PCBP3: variants seen among roughly 807,000 people sequenced by gnomAD.
PCBP3 encodes the protein poly(rC) binding protein 3.
PCBP3 carries 25 observed loss-of-function variants against 52.7 expected under a neutral mutation model. The ratio of observed to expected loss-of-function variants is 0.47; its 90% CI spans 0.35 to 0.66. The LOEUF is 0.66. PCBP3 is among the 30% of genes least tolerant of loss of function. The pLI is 0.01. For synonymous variants in PCBP3, 162 were observed against 183.0 expected, an observed-to-expected ratio of 0.89 and a Z score of 0.93; for missense variants, 391 against 490.3, an observed-to-expected ratio of 0.80 and a Z score of 1.91.
chr21:45,919,689 T>C (rs545152468), intron 13 of PCBP3, among the ~76,000 whole-genome samples: 4 of 152,326 alleles, frequency 2.6e-5, no homozygotes, highest in African/African-American at 7.2e-5. Flanking sequence ...CATCTCATCC[T>C]GGGGTCAGCT....
chr21:45,913,692 C>T (rs961911950), intron 11 of PCBP3, among the ~76,000 whole-genome samples: 2 of 152,186 alleles, frequency 1.3e-5, no homozygotes, highest in African/African-American at 4.8e-5. Flanking sequence ...CTCAGGAGGC[C>T]GGTGTGTGGC....
At chr21:45,893,093 G>A (rs1456295112) in intron 5 of PCBP3, among the ~76,000 whole-genome samples, 1 of 152,192 alleles carries the variant, frequency 6.6e-6, no homozygotes, top group Non-Finnish European at 1.5e-5. Context: ...CCCGGGCAGA[G>A]AGGGGAGTCT....
At chr21:45,776,249 C>T (rs750801939) in intron 4 of PCBP3, among the ~76,000 whole-genome samples, 2 of 152,126 alleles carry the variant, frequency 1.3e-5, no homozygotes, top group African/African-American at 2.4e-5. Flanking sequence ...ATGTTCCTTT[C>T]ATGTGCTGAT....
intron 4 of PCBP3, among the ~76,000 whole-genome samples, chr21:45,845,993 G>C (rs1213689740): frequency 1.3e-5 from 2 of 152,214 alleles, no homozygotes; most frequent in African/African-American, 4.8e-5. Flanking sequence ...CTAAACAGCT[G>C]TGTTTCCCAC....
chr21:45,816,614 C>T (rs781638672), intron 4 of PCBP3, among the ~76,000 whole-genome samples: 48 of 149,112 alleles, frequency 3.2e-4, no homozygotes, highest in Non-Finnish European at 6.2e-4. Flanking sequence ...CTGTCTTCCA[C>T]CTCCACGCCT....
intron 4 of PCBP3, among the ~76,000 whole-genome samples, chr21:45,846,720 A>C (rs2093821342): frequency 6.6e-6 from 1 of 152,216 alleles, no homozygotes; most frequent in African/African-American, 2.4e-5. Flanking sequence ...TTCGCCGCGC[A>C]CTGGGTCCTC....
chr21:45,909,093 G>A (rs1264268702), intron 9 of PCBP3, among the ~76,000 whole-genome samples: 1 of 150,960 alleles, frequency 6.6e-6, no homozygotes, highest in Admixed American at 6.6e-5. Context: ...AGGTCTCCAC[G>A]ACCAAGGCCA....
intron 5 of PCBP3, among the ~76,000 whole-genome samples, chr21:45,864,478 G>C (rs2094630523): frequency 6.6e-6 from 1 of 152,188 alleles, no homozygotes; most frequent in Non-Finnish European, 1.5e-5. Context: ...GAGTTTTTCA[G>C]TTCATAAGTT....
chr21:45,772,487 C>G (rs1422818855), intron 4 of PCBP3, among the ~76,000 whole-genome samples: 2 of 152,124 alleles, frequency 1.3e-5, no homozygotes, highest in Non-Finnish European at 2.9e-5. Context: ...TAGGTTGATT[C>G]CATATCTTAT....
intron 11 of PCBP3, among the ~76,000 whole-genome samples, chr21:45,911,545 G>A (rs1179060694): frequency 6.6e-6 from 1 of 152,130 alleles, no homozygotes; most frequent in African/African-American, 2.4e-5. Flanking sequence ...GTGAACAAAA[G>A]CATTAAAACG....
At position 45,909,563 on chromosome 21, in the gene PCBP3, C is replaced by CT. The variant is rs1019281838; in HGVS notation, c.471+79dup. ...GGGTGGTGGCCACAGGCCAGGCAGC[C>CT]TTCCTGAGCCTTGTCCCTGCTGTCT... On this transcript the variant is annotated intron_variant, in intron 10 of 17. Transcript: ENST00000681687. 4.9e-6 allele frequency: 7 copies of CT among 1,439,312 alleles called. No individual in the cohort carries two copies. In the African/African-American group the frequency reaches 9.8e-5, roughly 20 times the overall value. 89.2% of individuals were successfully genotyped at this position (1,439,312 alleles called of 1,614,324 possible).
intron 5 of PCBP3, among the ~76,000 whole-genome samples, chr21:45,856,657 T>G (rs2094310228): frequency 6.6e-6 from 1 of 152,122 alleles, no homozygotes; most frequent in Non-Finnish European, 1.5e-5. Flanking sequence ...ATCGCAAGTT[T>G]CCTGATGTCA....
chr21:45,753,542 AT>A (rs747443168), intron 3 of PCBP3, among the ~76,000 whole-genome samples: 4 of 151,896 alleles, frequency 2.6e-5, no homozygotes, highest in Non-Finnish European at 2.9e-5. Context: ...CTTTACTTTC[AT>A]TTATTTTAAT....
rs1024574380 is a variant in PCBP3, at chr21:45,810,243, TGTGA to T, written c.-125-39716_-125-39713del. ...CTGTGTGTGTGTGTGTGTGTGTGTG[TGTGA>T]GAGAGTGTGTGTGACAGAGTCTCGC... On this transcript the variant is annotated intron_variant, in intron 4 of 17. Transcript: ENST00000681687. Among the ~76,000 whole-genome samples the T allele has an allele frequency of 1.9e-3, 286 of 151,458 alleles. 2 individuals carry two copies. The highest frequency in any genetic ancestry group is 6.5e-3 in the African/African-American group (269 of 41,208).
At chr21:45,845,729 T>A (rs1473730630) in intron 4 of PCBP3, among the ~76,000 whole-genome samples, 1 of 152,268 alleles carries the variant, frequency 6.6e-6, no homozygotes, top group Non-Finnish European at 1.5e-5. Flanking sequence ...AGTGTGTGCC[T>A]TTGCCATGTG....
At chr21:45,657,663 G>T (rs1485547245) in intron 1 of PCBP3, among the ~76,000 whole-genome samples, 1 of 147,504 alleles carries the variant, frequency 6.8e-6, no homozygotes, top group African/African-American at 2.5e-5. Context: ...GGTTTGGTTT[G>T]TCACTTTCTG....
chr21:45,812,402 A>G (rs989658390), intron 4 of PCBP3, among the ~76,000 whole-genome samples: 3 of 152,096 alleles, frequency 2.0e-5, no homozygotes, highest in African/African-American at 7.2e-5. Context: ...TTTTCCCTTA[A>G]CATTGTGTTG....
At chr21:45,716,178 G>A (rs1280221533) in intron 2 of PCBP3, among the ~76,000 whole-genome samples, 1 of 151,914 alleles carries the variant, frequency 6.6e-6, no homozygotes, top group Non-Finnish European at 1.5e-5. Context: ...TCATTCTTTA[G>A]CATGTGGATA....
Position 45,941,872 on chromosome 21 carries a change from C to G in PCBP3, c.*166C>G. The G allele has an allele frequency of 2.0e-6, 1 of 503,564 alleles. No individual in the cohort carries two copies. The highest frequency in any genetic ancestry group is 3.5e-6 in the Non-Finnish European group (1 of 289,042). 31.2% of individuals were successfully genotyped at this position (503,564 alleles called of 1,614,324 possible). A position where few individuals can be genotyped will look rare whatever the true frequency, so the allele number is the denominator to read the frequency against. On this transcript the variant is annotated 3_prime_UTR_variant, in exon 18 of 18. Transcript: ENST00000681687. Reference sequence around the variant, plus strand: ...TGGAGAAACACACCCGCGCACACAGCTGCTCTCTACAGAGGCTGCAGGCTC... The same window carrying G: ...TGGAGAAACACACCCGCGCACACAGGTGCTCTCTACAGAGGCTGCAGGCTC...
Sources: gnomAD v4.1 joint callset for allele counts (sites outside exome capture counted in the v4.1 genomes callset) on GRCh38, gnomAD v4.1.1 for gene constraint, MANE v1.5 for transcripts, NCBI Gene and HGNC (gene_info 2026-07-23, HGNC 2026-07-21) for gene names.